The following VAV2 variants were observed in gnomAD, a reference collection of about 807,000 sequenced individuals.
The protein encoded by VAV2 is vav guanine nucleotide exchange factor 2, also known as guanine nucleotide exchange factor VAV2.
In VAV2, 67 loss-of-function variants were observed where a neutral mutation model predicts 132.5. The ratio of observed to expected loss-of-function variants is 0.51; its 90% confidence interval spans 0.42 to 0.62. The LOEUF (loss-of-function observed/expected upper bound fraction) is 0.62, where lower values mean the gene tolerates loss of function less well. Ranked by LOEUF, VAV2 falls within the 20% of genes least tolerant of loss-of-function variation. The pLI is 0.00. For synonymous variants in VAV2, 492 were observed against 443.5 expected (o/e 1.11, Z -1.37); for missense variants, 938 against 1,153.6 (o/e 0.81, Z 2.71).
intron 1 of VAV2, among the ~76,000 whole-genome samples, chr9:133,948,919 GT>G (rs1841462902): frequency 6.6e-6 from 1 of 152,228 alleles, no homozygotes; most frequent in Non-Finnish European, 1.5e-5. Context: ...GTCTGGTCCT[GT>G]CCCCATGGGA....
At chr9:133,990,474 C>T (rs894148917) in intron 1 of VAV2, among the ~76,000 whole-genome samples, 2 of 152,150 alleles carry the variant, frequency 1.3e-5, no homozygotes, top group African/African-American at 4.8e-5. Flanking sequence ...AGCCCCCGGA[C>T]CCAGCGAGTC....
chr9:133,940,764 G>A (rs2132141947), intron 1 of VAV2, among the ~76,000 whole-genome samples: 1 of 151,886 alleles, frequency 6.6e-6, no homozygotes, highest in African/African-American at 2.4e-5. Flanking sequence ...CTAAATACCT[G>A]AGTGTGTAAT....
intron 1 of VAV2, among the ~76,000 whole-genome samples, chr9:133,978,776 G>A (rs1842597262): frequency 6.6e-6 from 1 of 152,218 alleles, no homozygotes; most frequent in Admixed American, 6.5e-5. Context: ...AGCTCCCACT[G>A]CCCAGTCCTG....
At chr9:133,980,028 C>A (rs780061132) in intron 1 of VAV2, among the ~76,000 whole-genome samples, 8 of 152,232 alleles carry the variant, frequency 5.3e-5, no homozygotes, top group Non-Finnish European at 1.2e-4. Context: ...CGAGCCAGTG[C>A]GCGACACACA....
In VAV2 at chr9:133,776,100, G is replaced by T. The variant is rs1217003023; in HGVS notation, c.1966-20C>A. ...GGGCGGCTGGTGGCAGAGCACAAGA[G>T]TGTTAACGGCCCCCCAGGGCCACTC... On this transcript the variant is annotated intron_variant, in intron 23 of 29. Transcript: ENST00000371850. 2 of 1,612,326 alleles carry T rather than the reference G, an allele frequency of 1.2e-6. No individual in the cohort carries two copies. Among genetic ancestry groups the T allele is most frequent in the Non-Finnish European group, 1.7e-6 (2 of 1,179,622 alleles).
rs148367437 is a variant in VAV2, at chr9:133,768,799, C to G, written c.2435-203G>C. Among the ~76,000 whole-genome samples, 11 of 152,248 alleles carry G rather than the reference C, an allele frequency of 7.2e-5. No individual in the cohort carries two copies. Among genetic ancestry groups the G allele is most frequent in the African/African-American group, 2.4e-4 (10 of 41,542 alleles). On this transcript the variant is annotated intron_variant, in intron 28 of 29. Transcript: ENST00000371850. This position sits in a 1 kb window ranked among gnomAD's most constrained non-coding sequence, Gnocchi z 5.3. ...GCCCCTTGCCCTCTGGGTCTGGGGA[C>G]ACAGCACATCCAAGTCCCTGCAATG... is the stretch of plus-strand genomic sequence containing the variant.
At chr9:133,878,194 C>A (rs1449400369) in intron 2 of VAV2, among the ~76,000 whole-genome samples, 1 of 152,228 alleles carries the variant, frequency 6.6e-6, no homozygotes, top group Non-Finnish European at 1.5e-5. Context: ...ACGGGGCAGG[C>A]ACCTCTGCTG....
rs149673784 is a variant in VAV2, at chr9:133,821,957, G to C, written c.450-9741C>G. On this transcript the variant is annotated intron_variant, in intron 4 of 29. Transcript: ENST00000371850. ...GCTGCGCTGACAGATGCTAAATCCCGACCATTATTTTTGTCCTCACAATAG... is the reference window on the plus strand; with the variant it reads ...GCTGCGCTGACAGATGCTAAATCCCCACCATTATTTTTGTCCTCACAATAG... Among the ~76,000 whole-genome samples the C allele has an allele frequency of 5.6e-4, 86 of 152,262 alleles. 1 individual carries two copies. The highest frequency in any genetic ancestry group is 1.8e-3 in the African/African-American group (76 of 41,524).
rs368083014 is a variant in VAV2, at chr9:133,788,159, A to G, written c.1407+195T>C. 1.4e-4 allele frequency among the ~76,000 whole-genome samples: 21 copies of G among 152,288 alleles called. No homozygotes were observed. In the South Asian group the frequency reaches 1.7e-3, roughly 12 times the overall value. On this transcript the variant is annotated intron_variant, in intron 15 of 29. Coordinates refer to ENST00000371850, the MANE Select transcript of VAV2 (RefSeq NM_001134398.2). The surrounding 1 kb of genome is among the most constrained non-coding windows in gnomAD (Gnocchi z 5.3). ...GGGCCCGGCGAGGAGCAGGCCTGCTATGAGCAGTGGTCACGACGGCGAGGC... is the reference window on the plus strand; with the variant it reads ...GGGCCCGGCGAGGAGCAGGCCTGCTGTGAGCAGTGGTCACGACGGCGAGGC...
chr9:133,780,760 G>GC, intron 19 of VAV2, 50 bp from the exon 20 acceptor site: 1 of 1,260,274 alleles, frequency 7.9e-7, no homozygotes, highest in African/African-American at 1.5e-5. Flanking sequence ...CGACGCCAAG[G>GC]CCCCGTGCAG....
chr9:133,778,978 G>T, intron 21 of VAV2, 89 bp from the exon 22 acceptor site: 1 of 1,545,594 alleles, frequency 6.5e-7, no homozygotes, highest in Middle Eastern at 1.7e-4. Flanking sequence ...CCATCACCAA[G>T]CTCGGCCTCC....
chr9:133,859,114 G>C (rs551526960), intron 3 of VAV2, among the ~76,000 whole-genome samples: 11 of 152,060 alleles, frequency 7.2e-5, no homozygotes, highest in Non-Finnish European at 1.2e-4. Flanking sequence ...GGCCCGGAGG[G>C]AGGGTGCCCA....
intron 1 of VAV2, among the ~76,000 whole-genome samples, chr9:133,981,522 G>T (rs577608930): frequency 6.6e-6 from 1 of 152,230 alleles, no homozygotes; most frequent in Non-Finnish European, 1.5e-5. Context: ...GGAGTGAGCC[G>T]CCGGGCTCGG....
intron 2 of VAV2, among the ~76,000 whole-genome samples, chr9:133,874,199 G>T (rs745494775): frequency 6.6e-6 from 1 of 152,238 alleles, no homozygotes; most frequent in Non-Finnish European, 1.5e-5. Flanking sequence ...CAAGGTTTCT[G>T]AGTGGGGGCC....
intron 8 of VAV2, among the ~76,000 whole-genome samples, chr9:133,806,611 C>T (rs1835157142): frequency 6.6e-6 from 1 of 151,996 alleles, no homozygotes; most frequent in South Asian, 2.1e-4. Context: ...CAGATGAACT[C>T]TAGGTCAGAG....
intron 20 of VAV2, among the ~76,000 whole-genome samples, chr9:133,780,252 G>C (rs1833961263): frequency 6.6e-6 from 1 of 152,178 alleles, no homozygotes. Context: ...TGTCCATCTG[G>C]GACACACAGT....
intron 2 of VAV2, chr9:133,927,895 G>A (rs1016034541): frequency 6.6e-6 from 1 of 152,160 alleles, no homozygotes; most frequent in Non-Finnish European, 1.5e-5. Flanking sequence ...CTAGGATCCT[G>A]TGAGCAGGGT....
In VAV2 at chr9:133,783,876, C is replaced by CTTTTTTTTTTTTTTTTTTTTTT. The variant is rs1564342140; in HGVS notation, c.1635-286_1635-285insAAAAAAAAAAAAAAAAAAAAAA. On this transcript the variant is annotated intron_variant, in intron 18 of 29. Transcript: ENST00000371850. ...TGAAACTCTAAGGGCTTGGCTGGGC[C>CTTTTTTTTTTTTTTTTTTTTTT]GTTTTTTTTTTTTTTTTTTTTGGAG... 1.6e-5 allele frequency among the ~76,000 whole-genome samples: 2 copies of CTTTTTTTTTTTTTTTTTTTTTT among 124,974 alleles called. 1 individual carries two copies. The allele number at this position is 124,974 out of a possible 152,430, so 82.0% of individuals were successfully genotyped here.
At chr9:133,979,118 C>A (rs997206786) in intron 1 of VAV2, among the ~76,000 whole-genome samples, 11 of 152,206 alleles carry the variant, frequency 7.2e-5, no homozygotes, top group African/African-American at 2.2e-4. Context: ...AGCTTTCGTG[C>A]CAGGGGTGGT....
Sources: gnomAD v4.1 joint callset for allele counts (sites outside exome capture counted in the v4.1 genomes callset) on GRCh38, gnomAD v4.1.1 for gene constraint, Gnocchi (gnomAD v3.1) non-coding constraint, MANE v1.5 for transcripts, NCBI Gene and HGNC (gene_info 2026-07-23, HGNC 2026-07-21) for gene names.